RNF157: variants seen among roughly 807,000 people sequenced by gnomAD.
RNF157 encodes the protein ring finger protein 157, also known as E3 ubiquitin ligase RNF157.
In RNF157, 55 loss-of-function variants were observed where a neutral mutation model predicts 88.3. That is an observed-to-expected ratio of 0.62 (90% CI 0.50 to 0.78). RNF157 has a LOEUF of 0.78. Among genes scored for constraint, RNF157 ranks in the 30% least tolerant of loss-of-function variants. The pLI, the probability that RNF157 is intolerant of heterozygous loss-of-function variation, is 0.00. For missense variants in RNF157, 788 were observed against 860.8 expected (o/e 0.92, Z 1.06); for synonymous variants, 334 against 341.2 (o/e 0.98, Z 0.23).
chr17:76,235,579 A>G (rs2070269304), intron 1 of RNF157, among the ~76,000 whole-genome samples: 1 of 152,226 alleles, frequency 6.6e-6, no homozygotes, highest in Admixed American at 6.5e-5. Flanking sequence ...CTTACATTAA[A>G]ACTTTTATAG....
intron 4 of RNF157, among the ~76,000 whole-genome samples, chr17:76,167,347 T>C (rs1050229482): frequency 3.3e-5 from 5 of 152,222 alleles, no homozygotes; most frequent in Admixed American, 2.6e-4. Flanking sequence ...TTTAACAGCA[T>C]GTTAAGGACC....
At position 76,161,958 on chromosome 17, in the gene RNF157, C is replaced by T. The variant is rs1452821921; in HGVS notation, c.837G>A (p.Val279=). The T allele has an allele frequency of 2.5e-6, 4 of 1,614,100 alleles. No homozygotes were observed. The highest frequency in any genetic ancestry group is 3.4e-6 in the Non-Finnish European group (4 of 1,180,046). ...EVSDNSAECV[V]CLSDVRDTLI... ...AGGTGTCCCGGACATCCGAGAGACA[C>T]ACCACACACTCGGCACTGTTATCAC... The change falls in exon 10 of 19, where the codon GTG becomes GTA. Residue 279 remains valine (V), a synonymous_variant. Transcript: ENST00000269391. This position sits in a 1 kb window ranked among gnomAD's most constrained non-coding sequence, Gnocchi z 4.6.
chr17:76,159,781 CTA>C (rs1370740514), intron 11 of RNF157, among the ~76,000 whole-genome samples: 8 of 151,904 alleles, frequency 5.3e-5, no homozygotes, highest in African/African-American at 1.9e-4. Flanking sequence ...TTAATAATCT[CTA>C]TTTTTTTTCT....
chr17:76,175,737 A>G, intron 2 of RNF157: 2 of 984,564 alleles, frequency 2.0e-6, no homozygotes, highest in South Asian at 4.7e-5. Context: ...GGCGTTATCC[A>G]TAACTCCTAC....
chr17:76,232,317 G>C (rs1191796487), intron 1 of RNF157, among the ~76,000 whole-genome samples: 1 of 152,040 alleles, frequency 6.6e-6, no homozygotes, highest in Non-Finnish European at 1.5e-5. Context: ...GAGCCCAGTA[G>C]GTCGACGCTG....
At chr17:76,193,848 A>G (rs1178805251) in intron 2 of RNF157, among the ~76,000 whole-genome samples, 1 of 152,188 alleles carries the variant, frequency 6.6e-6, no homozygotes, top group Non-Finnish European at 1.5e-5. Context: ...ATCTGAGATT[A>G]GCGCCTGGCC....
At chr17:76,193,042 C>T (rs2069412859) in intron 2 of RNF157, among the ~76,000 whole-genome samples, 2 of 152,134 alleles carry the variant, frequency 1.3e-5, no homozygotes, top group African/African-American at 4.8e-5. Context: ...TGGTCTCAAA[C>T]TCCAGAGCTC....
chr17:76,203,061 G>A (rs757511562), intron 2 of RNF157, among the ~76,000 whole-genome samples: 11 of 152,048 alleles, frequency 7.2e-5, no homozygotes, highest in Non-Finnish European at 1.3e-4. Flanking sequence ...CATGATCTCC[G>A]CTCGCTGCAA....
At chr17:76,167,877 T>C in intron 3 of RNF157, 80 bp from the exon 4 acceptor site, 2 of 1,357,488 alleles carry the variant, frequency 1.5e-6, no homozygotes, top group East Asian at 2.3e-5. Flanking sequence ...TAGCAATATA[T>C]TGTGGGCTTC....
intron 2 of RNF157, 101 bp from the exon 3 acceptor site, chr17:76,173,891 G>C (rs1349434808): frequency 4.8e-5 from 44 of 922,876 alleles, no homozygotes; most frequent in Non-Finnish European, 7.1e-5. Flanking sequence ...AGGTGAGGCA[G>C]GAAGGCACAA....
chr17:76,199,804 C>T (rs772213100), intron 2 of RNF157, among the ~76,000 whole-genome samples: 58 of 152,154 alleles, frequency 3.8e-4, no homozygotes, highest in Middle Eastern at 3.4e-3. Context: ...AATCCAACTC[C>T]ATAAAACAGA....
chr17:76,169,040 A>C (rs1568035413), intron 3 of RNF157, among the ~76,000 whole-genome samples: 1 of 152,160 alleles, frequency 6.6e-6, no homozygotes, highest in African/African-American at 2.4e-5. Flanking sequence ...TTCCATTTAG[A>C]AACTTGTACC....
chr17:76,238,517 T>G (rs1172612810), intron 1 of RNF157, among the ~76,000 whole-genome samples: 1 of 152,244 alleles, frequency 6.6e-6, no homozygotes, highest in Non-Finnish European at 1.5e-5. Flanking sequence ...AGATTCATAC[T>G]TGTACAAATA....
chr17:76,152,717 A>AGG (rs2144804395), intron 17 of RNF157: 1 of 441,088 alleles, frequency 2.3e-6, no homozygotes, highest in East Asian at 4.8e-5. Context: ...CAGATCACTG[A>AGG]GGAGGGCTGT....
rs977710898 is a variant in RNF157, at chr17:76,161,087, A to G, written c.1065+448T>C. Among the ~76,000 whole-genome samples, 2 of 152,234 alleles carry G rather than the reference A, an allele frequency of 1.3e-5. No individual in the cohort carries two copies. Among genetic ancestry groups the G allele is most frequent in the Non-Finnish European group, 2.9e-5 (2 of 68,030 alleles). On this transcript the variant is annotated intron_variant, in intron 11 of 18. Coordinates refer to ENST00000269391, the MANE Select transcript of RNF157 (RefSeq NM_052916.3). The surrounding 1 kb of genome is among the most constrained non-coding windows in gnomAD (Gnocchi z 4.6). ...TGCAAAGCTTTGAGGTTTCACCCTAATATCAGCACTTACACTAGGAAACTG... is the reference window on the plus strand; with the variant it reads ...TGCAAAGCTTTGAGGTTTCACCCTAGTATCAGCACTTACACTAGGAAACTG...
intron 18 of RNF157, 137 bp downstream of exon 18, chr17:76,152,218 G>C: frequency 3.1e-6 from 2 of 650,198 alleles, no homozygotes; most frequent in South Asian, 3.7e-5. Context: ...TTCAGCAACT[G>C]GTCTCCAGCA....
rs112186122 is a variant in RNF157, at chr17:76,226,418, G to A, written c.88+13735C>T. On this transcript the variant is annotated intron_variant, in intron 1 of 18. Coordinates refer to ENST00000269391, the MANE Select transcript of RNF157 (RefSeq NM_052916.3). ...CACCATCTGGGGGGGCACCTTATTA[G>A]TCTCCTGGACTAGGGGGGCAAAGAG... The A allele has an allele frequency of 4.7e-3, 7,463 of 1,595,228 alleles. 322 individuals are homozygous for A. In the African/African-American group the frequency reaches 0.088, roughly 19 times the overall value.
At chr17:76,236,185 G>A (rs183659098) in intron 1 of RNF157, among the ~76,000 whole-genome samples, 7 of 152,188 alleles carry the variant, frequency 4.6e-5, no homozygotes, top group Admixed American at 1.3e-4. Flanking sequence ...TCTGTAGTAG[G>A]TTTACTTCTT....
chr17:76,162,014 G>C lies in RNF157; in HGVS notation c.793-12C>G, dbSNP rs746863882. The C allele has an allele frequency of 6.2e-7, 1 of 1,611,196 alleles. No individual in the cohort carries two copies. The highest frequency in any genetic ancestry group is 1.3e-5 in the African/African-American group (1 of 74,888). The stretch of plus-strand genomic sequence containing the variant: ...TCGTCTTCAGCCACCTGGCCAAGGA[G>C]AAAGAAATGTAGCCAATGGCACAAA... On this transcript the variant is annotated splice_polypyrimidine_tract_variant and intron_variant, in intron 9 of 18. Coordinates refer to ENST00000269391, the MANE Select transcript of RNF157 (RefSeq NM_052916.3).
Sources: gnomAD v4.1 joint callset for allele counts (sites outside exome capture counted in the v4.1 genomes callset) on GRCh38, gnomAD v4.1.1 for gene constraint, Gnocchi (gnomAD v3.1) non-coding constraint, MANE v1.5 for transcripts, NCBI Gene and HGNC (gene_info 2026-07-23, HGNC 2026-07-21) for gene names.